RPL26: variants seen among roughly 807,000 people sequenced by gnomAD.
The protein encoded by RPL26 is large ribosomal subunit protein uL24.
RPL26 carries 1 observed loss-of-function variant against 16.2 expected under a neutral mutation model. The ratio of observed to expected loss-of-function variants is 0.06; its 90% CI spans 0.02 to 0.29. RPL26 has a LOEUF of 0.29. Ranked by LOEUF, RPL26 falls within the 10% of genes least tolerant of loss-of-function variation. The pLI is 1.00. For synonymous variants in RPL26, 55 were observed against 62.4 expected, an observed-to-expected ratio of 0.88 and a Z score of 0.56; for missense variants, 102 against 184.3, an observed-to-expected ratio of 0.55 and a Z score of 2.58.
chr17:8,382,456 A>G (rs1484426359), intron 1 of RPL26, 141 bp from the exon 2 acceptor site: 6 of 626,636 alleles, frequency 9.6e-6, no homozygotes, highest in African/African-American at 1.9e-5. Flanking sequence ...AAACTGTTTG[A>G]TCGGAAGGGC....
intron 3 of RPL26, 116 bp downstream of exon 3, chr17:8,379,677 ATGT>A (rs1907323395): frequency 2.2e-6 from 2 of 920,126 alleles, no homozygotes; most frequent in Admixed American, 4.9e-5. Context: ...TTACTTTAAA[ATGT>A]TTTTTTCCAG....
At chr17:8,381,334 G>T (rs892596849) in intron 2 of RPL26, 2 of 152,166 alleles carry the variant, frequency 1.3e-5, no homozygotes, top group Non-Finnish European at 2.9e-5. Context: ...TGCAATTCCT[G>T]TCTAGATAAA....
At chr17:8,382,350 A>C in intron 1 of RPL26, 35 bp from the exon 2 acceptor site, 1 of 1,462,494 alleles carries the variant, frequency 6.8e-7, no homozygotes, top group Non-Finnish European at 9.5e-7. Flanking sequence ...TTAAATGACC[A>C]AAATCTCATC....
chr17:8,379,066 C>T (rs1338190139), intron 3 of RPL26: 2 of 152,178 alleles, frequency 1.3e-5, no homozygotes, highest in Non-Finnish European at 2.9e-5. Flanking sequence ...CTAATTTTGC[C>T]TCAGTAGGCC....
At position 8,382,162 on chromosome 17, in the gene RPL26, C is replaced by T; in HGVS notation, c.149G>A (p.Arg50Gln). ...ACACACCTGAACTTCATCATCCTTTCGGATGGGCATGGATCGCACGTTGTA... is the reference window on the plus strand; with the variant it reads ...ACACACCTGAACTTCATCATCCTTTTGGATGGGCATGGATCGCACGTTGTA... ...QKYNVRSMPI[R>Q]KDDEVQVVRG... is the part of the protein sequence containing the mutation. The change falls in exon 2 of 4, where the codon CGA becomes CAA. Residue 50 changes from arginine to glutamine, a missense_variant. By Grantham distance (43) the Arg-to-Gln change is conservative (BLOSUM62 1). Coordinates refer to ENST00000648839, the MANE Select transcript of RPL26 (RefSeq NM_000987.5). 1.2e-6 allele frequency: 2 copies of T among 1,613,230 alleles called. No individual in the cohort carries two copies. Among genetic ancestry groups the T allele is most frequent in the Non-Finnish European group, 1.7e-6 (2 of 1,179,424 alleles).
In RPL26 at chr17:8,382,325, A is replaced by G. The variant is rs1356521373; in HGVS notation, c.-5-10T>C. 1.2e-6 allele frequency: 2 copies of G among 1,603,208 alleles called. No individual in the cohort carries two copies. Among genetic ancestry groups the G allele is most frequent in the East Asian group, 4.5e-5 (2 of 44,708 alleles). On this transcript the variant is annotated splice_polypyrimidine_tract_variant and intron_variant, in intron 1 of 3. Transcript: ENST00000648839. Reference sequence around the variant, plus strand: ...TTAAACTTCATTTTGGCTAAATAAAAAGTTAAAAAGACTCTTAAATGACCA... The same window carrying G: ...TTAAACTTCATTTTGGCTAAATAAAGAGTTAAAAAGACTCTTAAATGACCA...
intron 1 of RPL26, chr17:8,382,571 A>T (rs973029053): frequency 8.5e-5 from 36 of 422,586 alleles, no homozygotes; most frequent in Admixed American, 8.4e-5. Context: ...TGTCCTAGTT[A>T]TAAGACCTTT....
chr17:8,382,073 T>C (rs747822827), intron 2 of RPL26, 70 bp downstream of exon 2: 88 of 1,345,528 alleles, frequency 6.5e-5, no homozygotes, highest in Non-Finnish European at 8.8e-5. Flanking sequence ...TTCTCAGGAA[T>C]GCAATCTCTC....
chr17:8,383,056 A>C (rs1215891917), intron 1 of RPL26, 101 bp downstream of exon 1: 2 of 398,174 alleles, frequency 5.0e-6, no homozygotes, highest in Non-Finnish European at 8.8e-6. Context: ...CCTGGCTGCT[A>C]CTCGGCCGAC....
At chr17:8,378,145 A>G (rs892865797) in intron 3 of RPL26, among the ~76,000 whole-genome samples, 7 of 152,212 alleles carry the variant, frequency 4.6e-5, no homozygotes, top group Non-Finnish European at 1.0e-4. Flanking sequence ...AGTCTGGCCA[A>G]CACGGTGAAA....
At position 8,379,855 on chromosome 17, in the gene RPL26, G is replaced by A. The variant is rs752977086; in HGVS notation, c.250C>T (p.Arg84Trp). ...YRKKYVIYIE[R>W]VQREKANGTT... ...CCATTAGCCTTTTCCCGCTGCACCC[G>A]TTCAATGTAGATAACATATTTCTTC... Residue 84 changes from arginine (R) to tryptophan (W), a missense_variant, in exon 3 of 4, where the codon CGG (arginine) becomes TGG (tryptophan). Physicochemically the swap from Arg to Trp is moderately radical, Grantham distance 101. Coordinates refer to ENST00000648839, the MANE Select transcript of RPL26 (RefSeq NM_000987.5). The A allele has an allele frequency of 1.2e-6, 2 of 1,613,340 alleles. No homozygotes were observed. Among genetic ancestry groups the A allele is most frequent in the Non-Finnish European group, 1.7e-6 (2 of 1,179,508 alleles).
chr17:8,380,089 A>C (rs764738050), intron 2 of RPL26, 153 bp from the exon 3 acceptor site: 2 of 612,200 alleles, frequency 3.3e-6, no homozygotes, highest in Non-Finnish European at 5.7e-6. Flanking sequence ...AGTTGACAAC[A>C]AGGAATCTGT....
At chr17:8,377,870 T>TA (rs1907221279) in intron 3 of RPL26, 178 bp from the exon 4 acceptor site, 1 of 533,364 alleles carries the variant, frequency 1.9e-6, no homozygotes, top group African/African-American at 1.9e-5. Flanking sequence ...CTGGCTTATT[T>TA]ACTAATTTCC....
In RPL26 at chr17:8,382,323, A is replaced by G; in HGVS notation, c.-5-8T>C. 6.2e-7 allele frequency: 1 copy of G among 1,602,704 alleles called. No homozygotes were observed. Among genetic ancestry groups the G allele is most frequent in the Non-Finnish European group, 8.5e-7 (1 of 1,172,736 alleles). On this transcript the variant is annotated splice_region_variant and splice_polypyrimidine_tract_variant and intron_variant, in intron 1 of 3. Transcript: ENST00000648839. ...GATTAAACTTCATTTTGGCTAAATA[A>G]AAAGTTAAAAAGACTCTTAAATGAC...
intron 3 of RPL26, 115 bp downstream of exon 3, chr17:8,379,681 T>C (rs1907323952): frequency 2.0e-6 from 2 of 989,202 alleles, no homozygotes; most frequent in Non-Finnish European, 3.0e-6. Flanking sequence ...TTTAAAATGT[T>C]TTTTTCCAGC....
At chr17:8,380,337 A>G (rs886068349) in intron 2 of RPL26, among the ~76,000 whole-genome samples, 1 of 152,164 alleles carries the variant, frequency 6.6e-6, no homozygotes, top group Non-Finnish European at 1.5e-5. Context: ...GAAAACAGAG[A>G]TGACAGTTTT....
chr17:8,382,448 A>G, intron 1 of RPL26, 133 bp from the exon 2 acceptor site: 1 of 657,874 alleles, frequency 1.5e-6, no homozygotes, highest in Admixed American at 3.3e-5. Flanking sequence ...TTCAACAAAA[A>G]CTGTTTGATC....
intron 1 of RPL26, chr17:8,382,870 T>C: frequency 2.5e-6 from 1 of 395,124 alleles, no homozygotes; most frequent in Non-Finnish European, 4.5e-6. Context: ...ACCGAGAAGT[T>C]ACTTCGAGAC....
At chr17:8,383,131 C>A in intron 1 of RPL26, 26 bp downstream of exon 1, 1 of 398,684 alleles carries the variant, frequency 2.5e-6, no homozygotes, top group East Asian at 3.6e-5. Context: ...CTGCTGATTA[C>A]ACCCGCTTGC....
Sources: gnomAD v4.1 joint callset for allele counts (sites outside exome capture counted in the v4.1 genomes callset) on GRCh38, gnomAD v4.1.1 for gene constraint, MANE v1.5 for transcripts, NCBI Gene and HGNC (gene_info 2026-07-23, HGNC 2026-07-21) for gene names.